Variants in ZNF385D observed in about 807,000 individuals in gnomAD.
ZNF385D encodes zinc finger protein 659.
Under a neutral mutation model 35.8 loss-of-function variants are expected in ZNF385D, and 15 were observed. The ratio of observed to expected loss-of-function variants is 0.42; its 90% CI spans 0.28 to 0.64. ZNF385D has a LOEUF of 0.64. Among genes scored for constraint, ZNF385D ranks in the 30% least tolerant of loss-of-function variants. The pLI is 0.23. For synonymous variants in ZNF385D, 212 were observed against 186.8 expected (o/e 1.13, Z -1.10); for missense variants, 474 against 494.6 (o/e 0.96, Z 0.39).
intron 3 of ZNF385D, among the ~76,000 whole-genome samples, chr3:21,904,685 C>G (rs1699585577): frequency 6.6e-6 from 1 of 152,084 alleles, no homozygotes. Flanking sequence ...TTATTACTGA[C>G]TGGAAATTCT....
At chr3:22,105,753 G>C (rs754442229) in intron 3 of ZNF385D, among the ~76,000 whole-genome samples, 7 of 152,084 alleles carry the variant, frequency 4.6e-5, no homozygotes, top group Admixed American at 1.3e-4. Context: ...ACCAACATTG[G>C]GGAGGGCCAT....
At chr3:22,197,070 CTTTCACATAATT>C (rs1339254193) in intron 2 of ZNF385D, among the ~76,000 whole-genome samples, 8 of 151,984 alleles carry the variant, frequency 5.3e-5, no homozygotes, top group African/African-American at 1.9e-4. Flanking sequence ...GAAAAGTCAG[CTTTCACATAATT>C]TTTCACATAA....
chr3:21,820,663 T>C (rs115890589), intron 3 of ZNF385D, among the ~76,000 whole-genome samples: 1 of 151,618 alleles, frequency 6.6e-6, no homozygotes, highest in East Asian at 1.9e-4. Context: ...AGGAGACTAA[T>C]AAATTTTAAA....
At chr3:21,941,356 C>G (rs1345784577) in intron 3 of ZNF385D, among the ~76,000 whole-genome samples, 1 of 152,034 alleles carries the variant, frequency 6.6e-6, no homozygotes, top group Non-Finnish European at 1.5e-5. Flanking sequence ...TATGTATGCA[C>G]TAAGCTGACT....
intron 1 of ZNF385D, among the ~76,000 whole-genome samples, chr3:21,736,640 G>A (rs944035585): frequency 8.5e-5 from 13 of 152,072 alleles, no homozygotes; most frequent in Admixed American, 3.9e-4. Flanking sequence ...CAACTTTATG[G>A]CACCACTGCC....
chr3:21,805,826 A>G (rs1027775027), intron 3 of ZNF385D, among the ~76,000 whole-genome samples: 8 of 152,168 alleles, frequency 5.3e-5, no homozygotes, highest in East Asian at 1.9e-4. Context: ...AGCTGCTTGG[A>G]GCTTCGAGCA....
chr3:22,013,068 A>G (rs1387528200), intron 3 of ZNF385D, among the ~76,000 whole-genome samples: 1 of 152,174 alleles, frequency 6.6e-6, no homozygotes, highest in Non-Finnish European at 1.5e-5. Flanking sequence ...GATTTAAAGT[A>G]GATAAGCTCA....
intron 4 of ZNF385D, among the ~76,000 whole-genome samples, chr3:21,506,664 T>C (rs1459347703): frequency 6.6e-6 from 1 of 152,230 alleles, no homozygotes; most frequent in Non-Finnish European, 1.5e-5. Flanking sequence ...ACAATTATTC[T>C]GGCTATCTTT....
chr3:21,761,016 C>A (rs1559595599), intron 3 of ZNF385D, among the ~76,000 whole-genome samples: 1 of 152,162 alleles, frequency 6.6e-6, no homozygotes, highest in African/African-American at 2.4e-5. Context: ...TTTTGCTTCT[C>A]TCTTTTGTAT....
At chr3:22,262,690 A>C (rs1002250106) in intron 2 of ZNF385D, among the ~76,000 whole-genome samples, 4 of 151,814 alleles carry the variant, frequency 2.6e-5, no homozygotes, top group Non-Finnish European at 5.9e-5. Context: ...TCTGAGCCCC[A>C]GTTTTCTCAT....
At chr3:22,273,944 G>A (rs1701301742) in intron 2 of ZNF385D, among the ~76,000 whole-genome samples, 2 of 151,994 alleles carry the variant, frequency 1.3e-5, no homozygotes, top group Non-Finnish European at 2.9e-5. Flanking sequence ...GTAGAGGAGA[G>A]ATGTTGGATA....
chr3:21,961,900 C>T (rs1702617127), intron 3 of ZNF385D, among the ~76,000 whole-genome samples: 1 of 151,980 alleles, frequency 6.6e-6, no homozygotes, highest in Admixed American at 6.6e-5. Context: ...TGAAAGAAAA[C>T]TGTTATGACT....
chr3:21,486,790 A>G (rs547156018), intron 4 of ZNF385D, among the ~76,000 whole-genome samples: 39 of 152,272 alleles, frequency 2.6e-4, no homozygotes, highest in African/African-American at 9.4e-4. Flanking sequence ...CAAAGTCAGG[A>G]AAATATCTAG....
chr3:21,898,988 G>A (rs1045105895), intron 3 of ZNF385D, among the ~76,000 whole-genome samples: 3 of 152,064 alleles, frequency 2.0e-5, no homozygotes, highest in Non-Finnish European at 4.4e-5. Flanking sequence ...CAAGCAATTA[G>A]GAATGAGATT....
At chr3:21,456,662 C>A (rs1246391308) in intron 4 of ZNF385D, among the ~76,000 whole-genome samples, 1 of 152,044 alleles carries the variant, frequency 6.6e-6, no homozygotes, top group African/African-American at 2.4e-5. Flanking sequence ...GTGCAGTACA[C>A]CAACATGTCA....
At chr3:21,705,780 CTGTT>C (rs1165798894) in intron 1 of ZNF385D, among the ~76,000 whole-genome samples, 2 of 152,192 alleles carry the variant, frequency 1.3e-5, no homozygotes, top group Non-Finnish European at 1.5e-5. Flanking sequence ...TTGGTTCAGA[CTGTT>C]TGCATTCGAG....
intron 1 of ZNF385D, among the ~76,000 whole-genome samples, chr3:21,706,607 G>C (rs914139125): frequency 6.6e-6 from 1 of 152,150 alleles, no homozygotes; most frequent in African/African-American, 2.4e-5. Context: ...GCTACCATCA[G>C]AAGTGATCAA....
At chr3:22,327,388 C>T (rs1694727724) in intron 2 of ZNF385D, among the ~76,000 whole-genome samples, 1 of 152,172 alleles carries the variant, frequency 6.6e-6, no homozygotes, top group African/African-American at 2.4e-5. Context: ...GCCTGCCTAT[C>T]GGTGTCCTAC....
At chr3:21,632,008 A>G (rs544447762) in intron 2 of ZNF385D, among the ~76,000 whole-genome samples, 46 of 152,262 alleles carry the variant, frequency 3.0e-4, no homozygotes, top group African/African-American at 1.0e-3. Flanking sequence ...TCTAGTTATG[A>G]ACATCCAGTA....
Sources: allele counts gnomAD v4.1 joint callset (sites outside exome capture counted in the v4.1 genomes callset), GRCh38; gene constraint gnomAD v4.1.1; transcripts MANE v1.5; gene names NCBI Gene and HGNC (gene_info 2026-07-23, HGNC 2026-07-21).